CC2D2A: variants seen among roughly 807,000 people sequenced by gnomAD.
The protein encoded by CC2D2A is coiled-coil and C2 domain-containing protein 2A.
A neutral mutation model predicts 212.9 loss-of-function variants in CC2D2A; 155 were observed. That is an observed-to-expected ratio of 0.73 (90% confidence interval 0.64 to 0.83). CC2D2A has a LOEUF of 0.83. Among genes scored for constraint, CC2D2A ranks in the 40% least tolerant of loss-of-function variants. CC2D2A has a pLI of 0.00. For missense variants in CC2D2A, 1,856 were observed against 1,956.2 expected (o/e 0.95, Z 0.97); for synonymous variants, 667 against 686.5 (o/e 0.97, Z 0.44).
rs562600089 is a variant in CC2D2A, at chr4:15,507,489, G to A, written c.439-2650G>A. The stretch of plus-strand genomic sequence containing the variant: ...ATCCCTTCCTCTCCAGAAGGCTTGC[G>A]GAGGCCCACTCATGTATTCTGACAC... On this transcript the variant is annotated intron_variant, in intron 6 of 36. Coordinates refer to ENST00000424120, the MANE Select transcript of CC2D2A (RefSeq NM_001378615.1). 5.9e-5 allele frequency among the ~76,000 whole-genome samples: 9 copies of A among 152,194 alleles called. No individual in the cohort carries two copies. In the East Asian group the frequency reaches 7.7e-4, roughly 13 times the overall value.
rs748066841 is a variant in CC2D2A at position 15,560,608 on chromosome 4, A to T, written c.3000A>T (p.Glu1000Asp). The change falls in exon 23 of 37, where the codon GAA becomes GAT. Residue 1000 changes from glutamate (E) to aspartate (D), a missense_variant. Coordinates refer to ENST00000424120, the MANE Select transcript of CC2D2A (RefSeq NM_001378615.1). The stretch of plus-strand genomic sequence containing the variant: ...TTGCTGATATGATAGTAGAAGAAGA[A>T]GTTCCCAATATCAGGTAAAAATAAT... The part of the protein sequence containing the change: ...FLLADMIVEE[E>D]VPNISILGLS... The T allele has an allele frequency of 5.0e-6, 7 of 1,413,796 alleles. No homozygotes were observed. The highest frequency in any genetic ancestry group is 4.9e-6 in the Non-Finnish European group (5 of 1,018,684). 87.6% of individuals were successfully genotyped at this position (1,413,796 alleles called of 1,614,324 possible).
intron 11 of CC2D2A, among the ~76,000 whole-genome samples, chr4:15,522,533 G>C (rs912225168): frequency 4.0e-5 from 6 of 151,362 alleles, no homozygotes; most frequent in South Asian, 2.1e-4. Flanking sequence ...TTACAGAGGG[G>C]GAAAAGGGTA....
chr4:15,495,171 C>T (rs1323406234), intron 4 of CC2D2A, among the ~76,000 whole-genome samples: 2 of 152,034 alleles, frequency 1.3e-5, no homozygotes, highest in Non-Finnish European at 2.9e-5. Context: ...TGCAGTAGCA[C>T]AATCTTGGTT....
At chr4:15,577,686 G>C (rs1453896899) in intron 29 of CC2D2A, among the ~76,000 whole-genome samples, 3 of 151,978 alleles carry the variant, frequency 2.0e-5, no homozygotes, top group Non-Finnish European at 4.4e-5. Flanking sequence ...ACATTCCAAT[G>C]AAAGTGGTAG....
chr4:15,509,733 T>C (rs1716451678), intron 6 of CC2D2A, among the ~76,000 whole-genome samples: 1 of 152,224 alleles, frequency 6.6e-6, no homozygotes, highest in African/African-American at 2.4e-5. Flanking sequence ...TTCTTAGGCA[T>C]TTTCGTCATT....
At chr4:15,531,357 G>A (rs952297039) in intron 13 of CC2D2A, among the ~76,000 whole-genome samples, 2 of 152,118 alleles carry the variant, frequency 1.3e-5, no homozygotes, top group African/African-American at 2.4e-5. Flanking sequence ...GGGTGTCCTC[G>A]TCCCTTTCCA....
chr4:15,595,613 G>A (rs1721285087), intron 33 of CC2D2A, among the ~76,000 whole-genome samples: 1 of 152,200 alleles, frequency 6.6e-6, no homozygotes. Flanking sequence ...AAATGTTGGA[G>A]CCAAAATTAA....
At chr4:15,573,828 T>C (rs892372450) in intron 28 of CC2D2A, among the ~76,000 whole-genome samples, 1 of 152,212 alleles carries the variant, frequency 6.6e-6, no homozygotes, top group Non-Finnish European at 1.5e-5. Context: ...TATTATTGTC[T>C]CTTTTTACTA....
At chr4:15,484,293 G>A (rs891965651) in intron 4 of CC2D2A, among the ~76,000 whole-genome samples, 1 of 152,184 alleles carries the variant, frequency 6.6e-6, no homozygotes, top group Non-Finnish European at 1.5e-5. Flanking sequence ...ACAGCCAGGG[G>A]GCAAGGGCAG....
rs368116362 is a variant in CC2D2A, at chr4:15,533,223, A to G, written c.1497A>G (p.Gln499=). ...CAAGAAAATTCCGTGATGCTGAACAAGAAAAAGATAGAACATTGCTTAAGA... is the reference window on the plus strand; with the variant it reads ...CAAGAAAATTCCGTGATGCTGAACAGGAAAAAGATAGAACATTGCTTAAGA... ...RQTRKFRDAE[Q]EKDRTLLKTI... Residue 499 remains glutamine (Q), a synonymous_variant, in exon 14 of 37, where the codon CAA becomes CAG. Coordinates refer to ENST00000424120, the MANE Select transcript of CC2D2A (RefSeq NM_001378615.1). The G allele has an allele frequency of 9.8e-5, 156 of 1,591,612 alleles. No individual in the cohort carries two copies. Among genetic ancestry groups the G allele is most frequent in the Non-Finnish European group, 1.2e-4 (145 of 1,173,898 alleles).
chr4:15,591,363 G>A (rs1721100467), intron 33 of CC2D2A, among the ~76,000 whole-genome samples: 1 of 151,878 alleles, frequency 6.6e-6, no homozygotes. Context: ...GGGATTACAG[G>A]CATGCACCAC....
chr4:15,580,063 A>C lies in CC2D2A; in HGVS notation c.3867A>C (p.Thr1289=). 6.2e-7 allele frequency: 1 copy of C among 1,613,994 alleles called. No individual in the cohort carries two copies. Among genetic ancestry groups the C allele is most frequent in the South Asian group, 1.1e-5 (1 of 91,088 alleles). Residue 1289 remains threonine, a synonymous_variant, in exon 30 of 37, where the codon ACA becomes ACC. Transcript: ENST00000424120. ...TTCCAAATCGTCAGTGCCTTACAAC[A>C]GTAATTGATATAAGCGGAAAAACTG... ...LKFPNRQCLT[T]VIDISGKTVF...
intron 18 of CC2D2A, among the ~76,000 whole-genome samples, chr4:15,552,659 T>C (rs957842155): frequency 3.3e-5 from 5 of 152,198 alleles, no homozygotes; most frequent in African/African-American, 1.2e-4. Context: ...ATACACCCCA[T>C]GAGATCAGAA....
In CC2D2A at chr4:15,529,650, T is replaced by C. The variant is rs574735164; in HGVS notation, c.1466+924T>C. Among the ~76,000 whole-genome samples the C allele has an allele frequency of 6.6e-5, 10 of 152,140 alleles. No homozygotes were observed. In the East Asian group the frequency reaches 1.9e-3, roughly 29 times the overall value. The stretch of plus-strand genomic sequence containing the variant: ...CTGGAATTATGTAGATTTATTGTAG[T>C]TTGTATAATTCTCAACTGATACGCA... On this transcript the variant is annotated intron_variant, in intron 13 of 36. Coordinates refer to ENST00000424120, the MANE Select transcript of CC2D2A (RefSeq NM_001378615.1).
At chr4:15,601,112 A>T in intron 36 of CC2D2A, 125 bp from the exon 37 acceptor site, 1 of 777,458 alleles carries the variant, frequency 1.3e-6, no homozygotes, top group Non-Finnish European at 2.0e-6. Flanking sequence ...TAAAAAGCTG[A>T]GTAGAAAAAC....
chr4:15,555,845 G>A (rs752782340), intron 20 of CC2D2A, among the ~76,000 whole-genome samples: 4 of 152,128 alleles, frequency 2.6e-5, no homozygotes, highest in African/African-American at 4.8e-5. Context: ...ACTCCTAAAG[G>A]TTTTATATCC....
At chr4:15,476,050 G>C in intron 2 of CC2D2A, 79 bp downstream of exon 2, 3 of 1,261,884 alleles carry the variant, frequency 2.4e-6, no homozygotes, top group Non-Finnish European at 3.4e-6. Flanking sequence ...GAATGAGGAA[G>C]TTAGGCCAAC....
At chr4:15,476,681 G>A (rs1371731178) in intron 2 of CC2D2A, among the ~76,000 whole-genome samples, 2 of 152,174 alleles carry the variant, frequency 1.3e-5, no homozygotes, top group Non-Finnish European at 2.9e-5. Flanking sequence ...CCTGAAGCAC[G>A]CTGATTTCTA....
chr4:15,476,125 TACAAAGAA>T (rs1560386421), intron 2 of CC2D2A, among the ~76,000 whole-genome samples, 154 bp downstream of exon 2: 1 of 152,360 alleles, frequency 6.6e-6, no homozygotes, highest in Middle Eastern at 3.4e-3. Flanking sequence ...AGTCTAATTG[TACAAAGAA>T]CGATTTGTGA....
Sources: allele counts gnomAD v4.1 joint callset (sites outside exome capture counted in the v4.1 genomes callset), GRCh38; gene constraint gnomAD v4.1.1; transcripts MANE v1.5; gene names NCBI Gene and HGNC (gene_info 2026-07-23, HGNC 2026-07-21).